The following HECTD4 variants were observed in gnomAD, a reference collection of about 807,000 sequenced individuals.
HECTD4 encodes the protein HECT domain E3 ubiquitin protein ligase 4, also known as probable E3 ubiquitin-protein ligase HECTD4.
A neutral mutation model predicts 471.5 loss-of-function variants in HECTD4; 114 were observed. The ratio of observed to expected loss-of-function variants is 0.24; its 90% CI spans 0.21 to 0.28. The LOEUF is 0.28. Among genes scored for constraint, HECTD4 ranks in the 10% least tolerant of loss-of-function variants. HECTD4 has a pLI of 1.00. For missense variants in HECTD4, 3,866 were observed against 5,651.5 expected, an observed-to-expected ratio of 0.68 and a Z score of 10.13; for synonymous variants, 2,012 against 2,256.0, an observed-to-expected ratio of 0.89 and a Z score of 3.07.
chr12:112,277,992 G>A (rs2034562275), intron 9 of HECTD4, among the ~76,000 whole-genome samples: 1 of 152,030 alleles, frequency 6.6e-6, no homozygotes. Flanking sequence ...TCGTAGCTCA[G>A]CCACCATAAT....
chr12:112,318,910 T>C (rs561799993), intron 2 of HECTD4, among the ~76,000 whole-genome samples: 33 of 152,234 alleles, frequency 2.2e-4, no homozygotes, highest in Non-Finnish European at 1.5e-5. Context: ...TGCTAACTAC[T>C]TGATGTAAAA....
chr12:112,269,134 A>T (rs2034358228), intron 13 of HECTD4, among the ~76,000 whole-genome samples: 1 of 151,832 alleles, frequency 6.6e-6, no homozygotes, highest in Admixed American at 6.6e-5. Context: ...CGGCCTCCCA[A>T]AGTGCTGGGA....
intron 72 of HECTD4, among the ~76,000 whole-genome samples, chr12:112,164,663 C>T (rs1364669297): frequency 6.6e-6 from 1 of 152,018 alleles, no homozygotes; most frequent in East Asian, 1.9e-4. Context: ...TCTTGTTGCC[C>T]AGGCTGGAGT....
intron 1 of HECTD4, among the ~76,000 whole-genome samples, chr12:112,359,089 T>C (rs936554565): frequency 6.6e-6 from 1 of 151,338 alleles, no homozygotes; most frequent in African/African-American, 2.4e-5. Flanking sequence ...GGCAGGAGAA[T>C]GGCGTGAATG....
intron 7 of HECTD4, among the ~76,000 whole-genome samples, chr12:112,299,975 T>C (rs1302201500): frequency 6.6e-6 from 1 of 152,184 alleles, no homozygotes; most frequent in Non-Finnish European, 1.5e-5. Context: ...ACTTCTAGGT[T>C]GAAAAACAAT....
In HECTD4 at chr12:112,243,817, T is replaced by G; in HGVS notation, c.4650-56A>C. ...CGAGAAACACACTCAGGGAGCTTGTTTTGATGAATGCATTCAGCTGCATGT... is the reference window on the plus strand; with the variant it reads ...CGAGAAACACACTCAGGGAGCTTGTGTTGATGAATGCATTCAGCTGCATGT... On this transcript the variant is annotated intron_variant, in intron 30 of 75. Coordinates refer to ENST00000682272, the MANE Select transcript of HECTD4 (RefSeq NM_001388303.1). This position sits in a 1 kb window ranked among gnomAD's most constrained non-coding sequence, Gnocchi z 6.6. The G allele has an allele frequency of 6.2e-7, 1 of 1,610,174 alleles. No homozygotes were observed. The highest frequency in any genetic ancestry group is 8.5e-7 in the Non-Finnish European group (1 of 1,176,860).
At chr12:112,220,170 T>C (rs2033048004) in intron 44 of HECTD4, among the ~76,000 whole-genome samples, 1 of 152,166 alleles carries the variant, frequency 6.6e-6, no homozygotes, top group African/African-American at 2.4e-5. Flanking sequence ...AATAAATGTG[T>C]TGTTATTCTC....
chr12:112,240,664 T>C (rs531883173), intron 32 of HECTD4, among the ~76,000 whole-genome samples: 21 of 152,202 alleles, frequency 1.4e-4, no homozygotes, highest in African/African-American at 5.1e-4. Context: ...TTGCCCAGGC[T>C]GGTTTCAATC....
intron 54 of HECTD4, among the ~76,000 whole-genome samples, chr12:112,201,835 G>A (rs942385716): frequency 3.3e-5 from 5 of 152,112 alleles, no homozygotes; most frequent in African/African-American, 1.2e-4. Context: ...TCTGATAGCT[G>A]TATTTTATTT....
chr12:112,220,792 G>A (rs532357256), intron 44 of HECTD4, among the ~76,000 whole-genome samples: 1 of 151,994 alleles, frequency 6.6e-6, no homozygotes, highest in South Asian at 2.1e-4. Context: ...GTGAGACTCT[G>A]TCTCTAAATA....
At chr12:112,324,045 C>CCTTCCTTTCTTTCTTTCTTT (rs2035677294) in intron 1 of HECTD4, among the ~76,000 whole-genome samples, 1 of 13,936 alleles carries the variant, frequency 7.2e-5, no homozygotes, top group Non-Finnish European at 1.4e-4. Flanking sequence ...TTCCTTCCTT[C>CCTTCCTTTCTTTCTTTCTTT]CTTTCTTTCT....
chr12:112,292,810 C>G (rs2034916151), intron 7 of HECTD4, among the ~76,000 whole-genome samples: 1 of 152,066 alleles, frequency 6.6e-6, no homozygotes, highest in African/African-American at 2.4e-5. Context: ...ATCACAAGGT[C>G]AGGAGTTTGA....
intron 7 of HECTD4, among the ~76,000 whole-genome samples, chr12:112,283,504 A>G (rs1245792322): frequency 6.6e-6 from 1 of 152,214 alleles, no homozygotes; most frequent in African/African-American, 2.4e-5. Context: ...TTCACTTTTC[A>G]TAATAGCTAT....
intron 17 of HECTD4, among the ~76,000 whole-genome samples, chr12:112,263,551 A>T (rs998789456): frequency 6.6e-6 from 1 of 152,194 alleles, no homozygotes; most frequent in African/African-American, 2.4e-5. Context: ...AAGCTAATTT[A>T]AAAATAATCA....
chr12:112,344,345 T>G (rs1188983528), intron 1 of HECTD4, among the ~76,000 whole-genome samples: 1 of 151,972 alleles, frequency 6.6e-6, no homozygotes, highest in Non-Finnish European at 1.5e-5. Context: ...TGCAGGGGGG[T>G]TATAACTGGT....
chr12:112,274,408 TA>T (rs1205207457), intron 10 of HECTD4, among the ~76,000 whole-genome samples: 1 of 152,168 alleles, frequency 6.6e-6, no homozygotes, highest in Non-Finnish European at 1.5e-5. Flanking sequence ...AAATTTAATA[TA>T]AAAAAATTCT....
At chr12:112,164,692 C>G (rs190623100) in intron 72 of HECTD4, among the ~76,000 whole-genome samples, 2 of 151,598 alleles carry the variant, frequency 1.3e-5, no homozygotes, top group East Asian at 3.9e-4. Flanking sequence ...GCAATCTTGG[C>G]TCGCTGCAAC....
chr12:112,272,281 C>G (rs1206626631), intron 11 of HECTD4, among the ~76,000 whole-genome samples: 5 of 152,202 alleles, frequency 3.3e-5, no homozygotes, highest in Non-Finnish European at 7.4e-5. Context: ...AACTCCTGAC[C>G]TCAGGTGATC....
intron 2 of HECTD4, 31 bp from the exon 3 acceptor site, chr12:112,314,577 T>C: frequency 8.1e-7 from 1 of 1,233,372 alleles, no homozygotes; most frequent in Non-Finnish European, 1.1e-6. Flanking sequence ...CAGTAAATCA[T>C]CAAAATTTAA....
Sources: gnomAD v4.1 joint callset for allele counts (sites outside exome capture counted in the v4.1 genomes callset) on GRCh38, gnomAD v4.1.1 for gene constraint, Gnocchi (gnomAD v3.1) non-coding constraint, MANE v1.5 for transcripts, NCBI Gene and HGNC (gene_info 2026-07-23, HGNC 2026-07-21) for gene names.